Variants in DLGAP2 observed in about 807,000 individuals in gnomAD.
DLGAP2 encodes the protein disks large-associated protein 2.
Under a neutral mutation model 100.3 loss-of-function variants are expected in DLGAP2, and 26 were observed. That is an observed-to-expected ratio of 0.26 (90% confidence interval 0.19 to 0.36). The LOEUF (loss-of-function observed/expected upper bound fraction) is 0.36, where lower values mean the gene tolerates loss of function less well. DLGAP2 is among the 10% of genes least tolerant of loss of function. The pLI is 1.00. For synonymous variants in DLGAP2, 886 were observed against 630.1 expected, an observed-to-expected ratio of 1.41 and a Z score of -6.08; for missense variants, 1,858 against 1,453.2, an observed-to-expected ratio of 1.28 and a Z score of -4.53.
At chr8:1,373,339 C>G (rs904799203) in intron 3 of DLGAP2, among the ~76,000 whole-genome samples, 1 of 149,504 alleles carries the variant, frequency 6.7e-6, no homozygotes, top group Non-Finnish European at 1.5e-5. Context: ...CTTCCGGAGG[C>G]GCCGCGCCTG....
In DLGAP2 at chr8:1,326,482, C is replaced by G. The variant is rs572279703; in HGVS notation, c.106+67599C>G. Among the ~76,000 whole-genome samples, 17 of 152,256 alleles carry G rather than the reference C, an allele frequency of 1.1e-4. No homozygotes were observed. The South Asian group carries it at 1.9e-3, about 17-fold the overall frequency. The stretch of plus-strand genomic sequence containing the variant: ...TTTCAGGACATGGCACGCGCTCGGT[C>G]TCGGTCCGGGCCTGTCACTCAGGAC... On this transcript the variant is annotated intron_variant, in intron 3 of 14. Transcript: ENST00000637795.
intron 12 of DLGAP2, 125 bp downstream of exon 12, chr8:1,678,754 C>T: frequency 9.4e-7 from 1 of 1,062,276 alleles, no homozygotes; most frequent in Middle Eastern, 3.2e-4. Context: ...AATAAATGTG[C>T]TTTCTAGTAT....
chr8:1,230,169 C>T (rs947692853), intron 2 of DLGAP2, among the ~76,000 whole-genome samples: 12 of 152,178 alleles, frequency 7.9e-5, no homozygotes, highest in African/African-American at 2.4e-5. Flanking sequence ...AGTAAAATTT[C>T]AGCATACAAA....
intron 7 of DLGAP2, among the ~76,000 whole-genome samples, chr8:1,631,032 G>A (rs540534255): frequency 6.7e-6 from 1 of 148,266 alleles, no homozygotes; most frequent in African/African-American, 2.5e-5. Context: ...CCGAGGGTCT[G>A]GGCGGGAGGT....
rs1447714784 is a variant in DLGAP2 at position 1,095,170 on chromosome 8, T to C, written c.74-163681T>C. On this transcript the variant is annotated intron_variant, in intron 2 of 14. Transcript: ENST00000637795. ...GCCTGGTGCTCCTTCAGGAGGGAGATGAAGATGCCGTGGTCACCCTTTACT... is the reference window on the plus strand; with the variant it reads ...GCCTGGTGCTCCTTCAGGAGGGAGACGAAGATGCCGTGGTCACCCTTTACT... Among the ~76,000 whole-genome samples the C allele has an allele frequency of 4.6e-5, 7 of 151,916 alleles. No individual in the cohort carries two copies. In the East Asian group the frequency reaches 1.2e-3, roughly 25 times the overall value.
chr8:1,469,174 T>C (rs1010429718), intron 3 of DLGAP2, among the ~76,000 whole-genome samples: 5 of 152,232 alleles, frequency 3.3e-5, no homozygotes, highest in African/African-American at 1.2e-4. Flanking sequence ...CTAAAAGCTG[T>C]GGCAGATCCT....
chr8:1,513,576 G>A (rs1290675432), intron 4 of DLGAP2, among the ~76,000 whole-genome samples: 4 of 152,206 alleles, frequency 2.6e-5, no homozygotes, highest in Non-Finnish European at 5.9e-5. Context: ...AATACTGCCT[G>A]GAAAATTGCA....
intron 2 of DLGAP2, among the ~76,000 whole-genome samples, chr8:1,141,851 T>G (rs1796527527): frequency 6.6e-6 from 1 of 152,230 alleles, no homozygotes; most frequent in African/African-American, 2.4e-5. Context: ...TGTTTAGATT[T>G]TAGATGCTTT....
chr8:1,507,498 A>G (rs1333732518), intron 4 of DLGAP2, among the ~76,000 whole-genome samples: 1 of 151,864 alleles, frequency 6.6e-6, no homozygotes, highest in Non-Finnish European at 1.5e-5. Context: ...CCATGAGCCC[A>G]CACCTCTCCC....
At chr8:1,552,117 C>T (rs998324086) in intron 5 of DLGAP2, among the ~76,000 whole-genome samples, 1 of 152,206 alleles carries the variant, frequency 6.6e-6, no homozygotes, top group African/African-American at 2.4e-5. Flanking sequence ...CCACCCACTC[C>T]TGGACTTCCC....
At chr8:1,548,063 G>A (rs1012200792) in intron 4 of DLGAP2, among the ~76,000 whole-genome samples, 1 of 151,966 alleles carries the variant, frequency 6.6e-6, no homozygotes, top group African/African-American at 2.4e-5. Flanking sequence ...CACAAAATCC[G>A]GCTGTCAAGA....
intron 2 of DLGAP2, among the ~76,000 whole-genome samples, chr8:1,203,574 C>G (rs543865367): frequency 8.5e-5 from 13 of 152,348 alleles, no homozygotes; most frequent in East Asian, 3.9e-4. Context: ...AGCAGATTCT[C>G]TACTCTTCCC....
At chr8:898,833 C>G (rs766634101) in intron 1 of DLGAP2, among the ~76,000 whole-genome samples, 7 of 152,206 alleles carry the variant, frequency 4.6e-5, no homozygotes, top group Non-Finnish European at 1.0e-4. Flanking sequence ...TCAGCTGCAG[C>G]TTTGAAGGGG....
chr8:1,456,004 A>G (rs76637653), intron 3 of DLGAP2, among the ~76,000 whole-genome samples: 2,549 of 152,230 alleles, frequency 0.017, 71 homozygotes, highest in African/African-American at 0.057. Flanking sequence ...CTGATGCCCC[A>G]TGATGCACAC....
At chr8:916,971 G>C (rs942844602) in intron 2 of DLGAP2, among the ~76,000 whole-genome samples, 1 of 152,206 alleles carries the variant, frequency 6.6e-6, no homozygotes, top group Non-Finnish European at 1.5e-5. Context: ...GCCTTCCTCA[G>C]GACTGGAAGG....
intron 3 of DLGAP2, among the ~76,000 whole-genome samples, chr8:1,444,888 A>T (rs1026253880): frequency 7.1e-6 from 1 of 140,322 alleles, no homozygotes; most frequent in African/African-American, 2.7e-5. Context: ...AGGCAATTCT[A>T]CTGCCTCCCG....
At chr8:1,520,637 T>C (rs1339420398) in intron 4 of DLGAP2, among the ~76,000 whole-genome samples, 1 of 152,122 alleles carries the variant, frequency 6.6e-6, no homozygotes, top group East Asian at 1.9e-4. Context: ...TTCGCTACCT[T>C]TGTAGTTCTG....
intron 2 of DLGAP2, among the ~76,000 whole-genome samples, chr8:1,177,535 T>G (rs1797286975): frequency 6.6e-6 from 1 of 151,990 alleles, no homozygotes; most frequent in Non-Finnish European, 1.5e-5. Context: ...GCGATTGTGT[T>G]GCTTCATTTG....
chr8:1,142,637 G>C (rs978601924), intron 2 of DLGAP2, among the ~76,000 whole-genome samples: 1 of 152,180 alleles, frequency 6.6e-6, no homozygotes, highest in African/African-American at 2.4e-5. Context: ...TGGGAAGTGC[G>C]GCGACTTCGG....
Sources: gnomAD v4.1 joint callset for allele counts (sites outside exome capture counted in the v4.1 genomes callset) on GRCh38, gnomAD v4.1.1 for gene constraint, MANE v1.5 for transcripts, NCBI Gene and HGNC (gene_info 2026-07-23, HGNC 2026-07-21) for gene names.